The following KAZN variants were observed in gnomAD, a reference collection of about 807,000 sequenced individuals.
KAZN encodes the protein kazrin.
In KAZN, 40 loss-of-function variants were observed where a neutral mutation model predicts 87.4. The ratio of observed to expected loss-of-function variants is 0.46; its 90% CI spans 0.36 to 0.60. The LOEUF is 0.60. Ranked by LOEUF, KAZN falls within the 20% of genes least tolerant of loss-of-function variation. KAZN has a pLI of 0.00. For synonymous variants in KAZN, 466 were observed against 458.3 expected (o/e 1.02, Z -0.22); for missense variants, 898 against 1,073.9 (o/e 0.84, Z 2.29).
intron 2 of KAZN, among the ~76,000 whole-genome samples, chr1:14,992,978 TA>T (rs1317046673): frequency 9.6e-5 from 13 of 135,164 alleles, no homozygotes; most frequent in African/African-American, 4.1e-4. Context: ...ATGATAGGTA[TA>T]TTTTTTTACC....
intron 2 of KAZN, among the ~76,000 whole-genome samples, chr1:14,989,990 C>G (rs1381191592): frequency 6.6e-6 from 1 of 152,148 alleles, no homozygotes; most frequent in Non-Finnish European, 1.5e-5. Context: ...TTGTTTGATA[C>G]AGCAACTCTA....
chr1:14,434,816 A>C (rs2101407796), intron 2 of KAZN, among the ~76,000 whole-genome samples: 1 of 150,876 alleles, frequency 6.6e-6, no homozygotes, highest in African/African-American at 2.4e-5. Flanking sequence ...TCACTCCTAC[A>C]TCAGCCACTC....
intron 1 of KAZN, among the ~76,000 whole-genome samples, chr1:14,015,824 G>A (rs933463556): frequency 6.6e-6 from 1 of 151,732 alleles, no homozygotes; most frequent in African/African-American, 2.4e-5. Context: ...GAGGGAAATT[G>A]GGTTCATAGA....
chr1:14,034,690 G>T (rs1182638627), intron 1 of KAZN, among the ~76,000 whole-genome samples: 2 of 152,196 alleles, frequency 1.3e-5, no homozygotes, highest in Admixed American at 1.3e-4. Flanking sequence ...CACAGGCAGA[G>T]TTAAAACATA....
At chr1:14,446,836 A>T (rs906868570) in intron 2 of KAZN, among the ~76,000 whole-genome samples, 1 of 151,980 alleles carries the variant, frequency 6.6e-6, no homozygotes, top group African/African-American at 2.4e-5. Context: ...AAAGATCCCC[A>T]TCCCTACCCC....
At chr1:14,907,431 A>G (rs938132459) in intron 1 of KAZN, among the ~76,000 whole-genome samples, 1 of 151,632 alleles carries the variant, frequency 6.6e-6, no homozygotes, top group African/African-American at 2.4e-5. Context: ...AAAGTGCAGA[A>G]TCTCAGACCC....
chr1:14,340,913 A>C (rs1283905602), intron 2 of KAZN, among the ~76,000 whole-genome samples: 1 of 36,584 alleles, frequency 2.7e-5, no homozygotes, highest in African/African-American at 1.9e-4. Flanking sequence ...TTTGAGATGG[A>C]GTCTCACTCT....
chr1:14,998,301 T>G (rs537537725), intron 2 of KAZN, among the ~76,000 whole-genome samples: 1 of 152,320 alleles, frequency 6.6e-6, no homozygotes, highest in Admixed American at 6.5e-5. Flanking sequence ...GGGCCTTCTC[T>G]GCGTCTTCTG....
At chr1:13,904,137 A>G (rs942367651) in intron 1 of KAZN, among the ~76,000 whole-genome samples, 4 of 152,214 alleles carry the variant, frequency 2.6e-5, no homozygotes, top group Admixed American at 2.0e-4. Flanking sequence ...AGAGGGATCC[A>G]AAGAAGGACT....
chr1:14,414,984 C>T (rs1269645233), intron 2 of KAZN, among the ~76,000 whole-genome samples: 2 of 152,150 alleles, frequency 1.3e-5, no homozygotes, highest in African/African-American at 4.8e-5. Context: ...CAAGATCACA[C>T]CACTGCACTC....
At chr1:14,181,207 GA>G (rs1287831091) in intron 2 of KAZN, among the ~76,000 whole-genome samples, 1 of 152,212 alleles carries the variant, frequency 6.6e-6, no homozygotes, top group Non-Finnish European at 1.5e-5. Flanking sequence ...TGTTTTAAGA[GA>G]ATTGATAGTT....
rs113857088 is a variant in KAZN at position 14,057,682 on chromosome 1, G to A, written c.92-122753G>A. Among the ~76,000 whole-genome samples the A allele has an allele frequency of 9.2e-5, 14 of 152,324 alleles. No individual in the cohort carries two copies. In the South Asian group the frequency reaches 2.1e-3, roughly 23 times the overall value. On this transcript the variant is annotated intron_variant, in intron 1 of 16. Transcript: ENST00000636203. ...GCAAATCCATAGTTCCTAAGGCCCCGATAGGAGAGCACAGATGAGCAGGCA... is the reference window on the plus strand; with the variant it reads ...GCAAATCCATAGTTCCTAAGGCCCCAATAGGAGAGCACAGATGAGCAGGCA...
intron 2 of KAZN, among the ~76,000 whole-genome samples, chr1:14,438,984 G>A (rs1020767547): frequency 3.3e-5 from 5 of 152,042 alleles, no homozygotes; most frequent in African/African-American, 4.8e-5. Flanking sequence ...TATTTATTGC[G>A]TCTCCATTCT....
At position 14,360,086 on chromosome 1, in the gene KAZN, T is replaced by C. The variant is rs144249925; in HGVS notation, c.249+179494T>C. Among the ~76,000 whole-genome samples the C allele has an allele frequency of 5.6e-3, 850 of 152,334 alleles. 5 individuals carry two copies. The highest frequency in any genetic ancestry group is 8.7e-3 in the Non-Finnish European group (593 of 68,034). ...CACTTTCAGGTACACCAATCAAACA[T>C]AGGTTTGGTCTTTTCACATAATCCC... On this transcript the variant is annotated intron_variant, in intron 2 of 16. Coordinates refer to the KAZN transcript ENST00000636203.
chr1:14,678,166 G>A (rs1219404459), intron 1 of KAZN, among the ~76,000 whole-genome samples: 1 of 152,156 alleles, frequency 6.6e-6, no homozygotes, highest in East Asian at 1.9e-4. Context: ...GACTGGGAGA[G>A]GAAGACCTGC....
intron 1 of KAZN, among the ~76,000 whole-genome samples, chr1:14,712,823 A>G (rs1328856331): frequency 6.6e-6 from 1 of 152,244 alleles, no homozygotes; most frequent in Non-Finnish European, 1.5e-5. Context: ...CACAGCAGCT[A>G]TAGAATTAAT....
chr1:14,714,370 T>G (rs1177912530), intron 1 of KAZN, among the ~76,000 whole-genome samples: 1 of 151,980 alleles, frequency 6.6e-6, no homozygotes, highest in African/African-American at 2.4e-5. Context: ...TCTCACTGGC[T>G]GTGTTGGAGA....
chr1:14,861,500 T>G (rs1001524505), intron 1 of KAZN, among the ~76,000 whole-genome samples: 4 of 152,242 alleles, frequency 2.6e-5, no homozygotes, highest in African/African-American at 9.6e-5. Context: ...TAAAGGATCC[T>G]GTTTCTCCAC....
rs368909050 is a variant in KAZN, at chr1:14,212,223, T to G, written c.249+31631T>G. 5.9e-5 allele frequency among the ~76,000 whole-genome samples: 9 copies of G among 152,246 alleles called. No homozygotes were observed. The East Asian group carries it at 1.7e-3, about 29-fold the overall frequency. The stretch of plus-strand genomic sequence containing the variant: ...GGTTGGCATCATCCCCTGCTAGGAT[T>G]TACTATTATTTGGAAATTAATGATG... On this transcript the variant is annotated intron_variant, in intron 2 of 16. Coordinates refer to the KAZN transcript ENST00000636203.
Sources: gnomAD v4.1 joint callset for allele counts (sites outside exome capture counted in the v4.1 genomes callset) on GRCh38, gnomAD v4.1.1 for gene constraint, MANE v1.5 for transcripts, NCBI Gene and HGNC (gene_info 2026-07-23, HGNC 2026-07-21) for gene names.